The following MGLL variants were observed in gnomAD, a reference collection of about 807,000 sequenced individuals.
MGLL encodes lysophospholipase homolog.
MGLL carries 7 observed loss-of-function variants against 29.1 expected under a neutral mutation model. The observed-to-expected ratio is 0.24, with a 90% CI of 0.14 to 0.45. MGLL has a LOEUF of 0.45. MGLL is among the 20% of genes least tolerant of loss of function. The pLI, the probability that MGLL is intolerant of heterozygous loss-of-function variation, is 0.99. For missense variants in MGLL, 356 were observed against 413.6 expected (o/e 0.86, Z 1.21); for synonymous variants, 148 against 168.3 (o/e 0.88, Z 0.93).
chr3:127,789,993 GC>G (rs1161931942), intron 2 of MGLL, among the ~76,000 whole-genome samples: 20 of 152,186 alleles, frequency 1.3e-4, no homozygotes, highest in Non-Finnish European at 2.9e-4. Flanking sequence ...CAAATCAGAA[GC>G]CCTTGGTTAC....
At position 127,701,215 on chromosome 3, in the gene MGLL, C is replaced by CAA. The variant is rs60128956; in HGVS notation, c.601-6027_601-6026dup. 1.2e-4 allele frequency among the ~76,000 whole-genome samples: 7 copies of CAA among 56,426 alleles called. 1 individual carries two copies. In the East Asian group the frequency reaches 2.4e-3, roughly 19 times the overall value. The allele number at this position is 56,426 out of a possible 152,430, so 37.0% of individuals were successfully genotyped here. A position where few individuals can be genotyped will look rare whatever the true frequency, so the allele number is the denominator to read the frequency against. The stretch of plus-strand genomic sequence containing the variant: ...GGGCAAGAGAGCGAGACCCTGCCTC[C>CAA]AAAAAAAAAAAAAAAAAAGCCACCA... On this transcript the variant is annotated intron_variant, in intron 6 of 7. Transcript: ENST00000265052.
intron 3 of MGLL, among the ~76,000 whole-genome samples, chr3:127,771,022 A>G (rs2076939002): frequency 6.6e-6 from 1 of 152,198 alleles, no homozygotes; most frequent in Non-Finnish European, 1.5e-5. Flanking sequence ...AGGTCACAAG[A>G]CTGAATGATT....
intron 3 of MGLL, among the ~76,000 whole-genome samples, chr3:127,769,913 C>T (rs556081922): frequency 2.0e-5 from 3 of 152,310 alleles, no homozygotes; most frequent in African/African-American, 4.8e-5. Context: ...GTGACCGGCG[C>T]GCGCCATGGC....
intron 2 of MGLL, among the ~76,000 whole-genome samples, chr3:127,813,026 A>G (rs1436152347): frequency 1.3e-5 from 2 of 152,154 alleles, no homozygotes; most frequent in Non-Finnish European, 2.9e-5. Context: ...AAAGACAGCA[A>G]TTTCCTAACT....
intron 3 of MGLL, among the ~76,000 whole-genome samples, chr3:127,724,739 G>C (rs2075998990): frequency 6.6e-6 from 1 of 152,116 alleles, no homozygotes; most frequent in African/African-American, 2.4e-5. Flanking sequence ...GGCAACACCA[G>C]GGCTGCCCAG....
At chr3:127,735,763 T>G in intron 3 of MGLL, 1 of 1,598,360 alleles carries the variant, frequency 6.3e-7, no homozygotes, top group East Asian at 2.2e-5. Flanking sequence ...ATTCCCTCCC[T>G]TTGTATGGTT....
intron 3 of MGLL, among the ~76,000 whole-genome samples, chr3:127,726,910 A>G (rs1416545179): frequency 6.6e-6 from 1 of 152,222 alleles, no homozygotes; most frequent in Non-Finnish European, 1.5e-5. Context: ...TAAATTAGCA[A>G]TAGCTCCCTA....
At chr3:127,822,767 C>A (rs1020805731), upstream of MGLL, 6 of 170,324 alleles carry the variant, frequency 3.5e-5, no homozygotes, top group Admixed American at 6.4e-5. Context: ...GGACACGTAG[C>A]CCCGAAGCTG....
intron 3 of MGLL, among the ~76,000 whole-genome samples, chr3:127,726,117 C>G (rs570999308): frequency 1.7e-5 from 1 of 58,146 alleles, no homozygotes; most frequent in Non-Finnish European, 3.2e-5. Flanking sequence ...AGAAAGAAAG[C>G]AGGAAAGAAA....
At chr3:127,758,857 C>T (rs2076709858) in intron 3 of MGLL, among the ~76,000 whole-genome samples, 1 of 151,714 alleles carries the variant, frequency 6.6e-6, no homozygotes, top group Non-Finnish European at 1.5e-5. Flanking sequence ...ATGACCCTCA[C>T]AGGAAAGGAT....
chr3:127,803,097 A>G (rs1383726672), intron 2 of MGLL, among the ~76,000 whole-genome samples: 1 of 151,954 alleles, frequency 6.6e-6, no homozygotes, highest in African/African-American at 2.4e-5. Context: ...CTCCTGCCTC[A>G]GCCTCCTGAG....
intron 3 of MGLL, among the ~76,000 whole-genome samples, chr3:127,745,721 A>T (rs1204933991): frequency 6.6e-6 from 1 of 152,196 alleles, no homozygotes; most frequent in Non-Finnish European, 1.5e-5. Flanking sequence ...CTGCTTCAGG[A>T]TGCCGGGGTT....
chr3:127,734,458 C>T (rs983304975), intron 3 of MGLL, among the ~76,000 whole-genome samples: 6 of 152,146 alleles, frequency 3.9e-5, no homozygotes, highest in African/African-American at 1.2e-4. Flanking sequence ...TGAGCCCACA[C>T]GCTCTCCACT....
At chr3:127,718,523 C>T (rs1189038423) in intron 5 of MGLL, among the ~76,000 whole-genome samples, 2 of 152,190 alleles carry the variant, frequency 1.3e-5, no homozygotes, top group Non-Finnish European at 2.9e-5. Flanking sequence ...TGCAGTGGGA[C>T]CCTTGGTAGG....
At chr3:127,700,323 C>T (rs1020770613) in intron 6 of MGLL, among the ~76,000 whole-genome samples, 3 of 152,206 alleles carry the variant, frequency 2.0e-5, no homozygotes, top group East Asian at 1.9e-4. Flanking sequence ...ATGAGAGAAT[C>T]CTCCTGTGAT....
At chr3:127,796,324 C>A (rs1394249393) in intron 2 of MGLL, among the ~76,000 whole-genome samples, 1 of 152,150 alleles carries the variant, frequency 6.6e-6, no homozygotes, top group Non-Finnish European at 1.5e-5. Flanking sequence ...CTTTGAGAAG[C>A]CTAATTCTGA....
intron 5 of MGLL, among the ~76,000 whole-genome samples, chr3:127,716,794 G>A (rs560337048): frequency 2.6e-5 from 4 of 152,310 alleles, no homozygotes; most frequent in South Asian, 2.1e-4. Context: ...CCCACCTTCC[G>A]TGGGACAGCA....
rs1463040381 is a variant in MGLL at position 127,689,327 on chromosome 3, C to T, written c.*2871G>A. ...ATCCTGTGGGTTTTCAGAGCACCCA[C>T]CAGTGCTCCCTCGGTGAGCCCAGCA... On this transcript the variant is annotated 3_prime_UTR_variant, in exon 8 of 8. Transcript: ENST00000265052. 4 of 152,200 alleles carry T rather than the reference C, an allele frequency of 2.6e-5. No homozygotes were observed. The highest frequency in any genetic ancestry group is 9.7e-5 in the African/African-American group (4 of 41,420). 9.4% of individuals were successfully genotyped at this position (152,200 alleles called of 1,614,324 possible).
chr3:127,733,514 G>T (rs1462936471), intron 3 of MGLL, among the ~76,000 whole-genome samples: 1 of 152,180 alleles, frequency 6.6e-6, no homozygotes, highest in Non-Finnish European at 1.5e-5. Context: ...GGTAACAAGA[G>T]TGAGGGGGAT....
Sources: allele counts gnomAD v4.1 joint callset (sites outside exome capture counted in the v4.1 genomes callset), GRCh38; gene constraint gnomAD v4.1.1; transcripts MANE v1.5; gene names NCBI Gene and HGNC (gene_info 2026-07-23, HGNC 2026-07-21).